Variants in NCOA6 observed in about 807,000 individuals in gnomAD.
NCOA6 encodes the protein nuclear receptor coactivator 6.
A neutral mutation model predicts 171.4 loss-of-function variants in NCOA6; 49 were observed. That is an observed-to-expected ratio of 0.29 (90% CI 0.23 to 0.36). The LOEUF is 0.36. NCOA6 is among the 10% of genes least tolerant of loss of function. The pLI is 1.00. For missense variants in NCOA6, 2,248 were observed against 2,554.5 expected, an observed-to-expected ratio of 0.88 and a Z score of 2.59; for synonymous variants, 910 against 927.5, an observed-to-expected ratio of 0.98 and a Z score of 0.34.
At chr20:34,762,366 A>G (rs1421548289) in intron 5 of NCOA6, among the ~76,000 whole-genome samples, 1 of 152,162 alleles carries the variant, frequency 6.6e-6, no homozygotes, top group Non-Finnish European at 1.5e-5. Context: ...AAACCTGAGA[A>G]TACTATTCTG....
At chr20:34,728,953 G>A (rs1435743990) in intron 13 of NCOA6, among the ~76,000 whole-genome samples, 1 of 152,008 alleles carries the variant, frequency 6.6e-6, no homozygotes, top group African/African-American at 2.4e-5. Flanking sequence ...ATCTTTTGTT[G>A]TTGTTGTTTG....
At chr20:34,725,183 T>G (rs2146992604) in intron 14 of NCOA6, among the ~76,000 whole-genome samples, 1 of 152,362 alleles carries the variant, frequency 6.6e-6, no homozygotes, top group East Asian at 1.9e-4. Flanking sequence ...TGATAATTAC[T>G]GATTGGTACA....
At chr20:34,809,252 A>G (rs2078571483) in intron 1 of NCOA6, among the ~76,000 whole-genome samples, 1 of 152,198 alleles carries the variant, frequency 6.6e-6, no homozygotes, top group South Asian at 2.1e-4. Flanking sequence ...ATGCTTTTTT[A>G]TTAAGCAGAT....
chr20:34,754,749 G>A lies in NCOA6; in HGVS notation c.1648C>T (p.Gln550Ter). 2 of 1,614,196 alleles carry A rather than the reference G, an allele frequency of 1.2e-6. No individual in the cohort carries two copies. The highest frequency in any genetic ancestry group is 8.5e-7 in the Non-Finnish European group (1 of 1,180,030). Residue 550 changes from glutamine (Q) to a stop codon, truncating the protein, a stop_gained, in exon 8 of 15, where the codon CAA becomes TAA. Coordinates refer to ENST00000359003, the MANE Select transcript of NCOA6 (RefSeq NM_014071.5). LOFTEE classifies it high-confidence loss of function. ...GCATGCTGGACATTTTGATTTGCTT[G>A]CAGCTGAGGGGCTCCTGAATTCCCA... ...TPGNSGAPQL[Q>*]ANQNVQHAGG...
intron 2 of NCOA6, among the ~76,000 whole-genome samples, chr20:34,783,883 C>A (rs2146221377): frequency 6.6e-6 from 1 of 152,272 alleles, no homozygotes; most frequent in African/African-American, 2.4e-5. Flanking sequence ...CTTGGCCTCC[C>A]AAAGTGCTAG....
chr20:34,726,381 T>A (rs1218119998), intron 14 of NCOA6, among the ~76,000 whole-genome samples: 1 of 152,022 alleles, frequency 6.6e-6, no homozygotes, highest in Non-Finnish European at 1.5e-5. Flanking sequence ...GGGGAGAAAG[T>A]GTGGACCAGA....
At chr20:34,792,973 G>T (rs1415154317) in intron 1 of NCOA6, among the ~76,000 whole-genome samples, 1 of 151,676 alleles carries the variant, frequency 6.6e-6, no homozygotes, top group Admixed American at 6.6e-5. Flanking sequence ...GGTAGAGATG[G>T]GGTTTCACCA....
At position 34,743,106 on chromosome 20, in the gene NCOA6, G is replaced by T. The variant is rs534522060; in HGVS notation, c.3150C>A (p.Val1050=). 1 of 1,613,502 alleles carries T rather than the reference G, an allele frequency of 6.2e-7. No individual in the cohort carries two copies. Among genetic ancestry groups the T allele is most frequent in the Non-Finnish European group, 8.5e-7 (1 of 1,179,546 alleles). ...CCCTTGGAGGATGGACATTTTGAGA[G>T]ACTGGAAGCCTAACTGATTTGGGAT... ...QQDPKSVRLP[V]SQNVHPPRGP... The change falls in exon 11 of 15, where the codon GTC becomes GTA. Residue 1050 remains valine, a synonymous_variant. Transcript: ENST00000359003.
chr20:34,787,638 C>T (rs1035074519), intron 2 of NCOA6, among the ~76,000 whole-genome samples: 13 of 152,086 alleles, frequency 8.5e-5, no homozygotes, highest in African/African-American at 2.9e-4. Context: ...ACAAATTAAC[C>T]TGTATTTGAT....
chr20:34,762,871 T>C (rs927115113), intron 5 of NCOA6, among the ~76,000 whole-genome samples: 1 of 152,222 alleles, frequency 6.6e-6, no homozygotes. Context: ...CATACTACTC[T>C]TGATAGTATA....
At chr20:34,725,100 T>G (rs1326881551) in intron 14 of NCOA6, among the ~76,000 whole-genome samples, 1 of 152,212 alleles carries the variant, frequency 6.6e-6, no homozygotes, top group East Asian at 1.9e-4. Flanking sequence ...AGGCTCTGTC[T>G]TTTCACTATT....
intron 4 of NCOA6, among the ~76,000 whole-genome samples, chr20:34,772,437 T>C (rs2077180131): frequency 6.6e-6 from 1 of 152,212 alleles, no homozygotes; most frequent in Non-Finnish European, 1.5e-5. Flanking sequence ...TTAAATATAA[T>C]GGTCATCTTA....
chr20:34,751,079 G>A (rs1229580959), intron 8 of NCOA6, among the ~76,000 whole-genome samples: 4 of 151,990 alleles, frequency 2.6e-5, no homozygotes, highest in Non-Finnish European at 5.9e-5. Context: ...CTATAAGAAT[G>A]TGAAGTGTCG....
intron 1 of NCOA6, among the ~76,000 whole-genome samples, chr20:34,798,598 C>T (rs550102008): frequency 6.6e-6 from 1 of 152,194 alleles, no homozygotes; most frequent in Non-Finnish European, 1.5e-5. Flanking sequence ...TGTAACCTCT[C>T]CCCTAGCTCC....
intron 4 of NCOA6, among the ~76,000 whole-genome samples, chr20:34,774,446 C>G (rs2077247902): frequency 6.6e-6 from 1 of 152,150 alleles, no homozygotes; most frequent in South Asian, 2.1e-4. Context: ...GAAAATTATC[C>G]CATTTCTCAA....
chr20:34,815,399 A>C (rs2078803203), intron 1 of NCOA6, among the ~76,000 whole-genome samples: 1 of 152,080 alleles, frequency 6.6e-6, no homozygotes, highest in African/African-American at 2.4e-5. Flanking sequence ...TAATTTAAAA[A>C]TAAAAAGACA....
At chr20:34,743,595 T>G (rs766232876) in intron 10 of NCOA6, among the ~76,000 whole-genome samples, 2 of 152,166 alleles carry the variant, frequency 1.3e-5, no homozygotes, top group Non-Finnish European at 2.9e-5. Context: ...GAATGAGCCA[T>G]GACTGTACTA....
At position 34,715,199 on chromosome 20, in the gene NCOA6, G is replaced by T; in HGVS notation, c.*123C>A. 1 of 1,323,836 alleles carries T rather than the reference G, an allele frequency of 7.6e-7. No homozygotes were observed. Among genetic ancestry groups the T allele is most frequent in the Non-Finnish European group, 1.1e-6 (1 of 935,166 alleles). The allele number at this position is 1,323,836 out of a possible 1,614,324, so 82.0% of individuals were successfully genotyped here. On this transcript the variant is annotated 3_prime_UTR_variant, in exon 15 of 15. Coordinates refer to ENST00000359003, the MANE Select transcript of NCOA6 (RefSeq NM_014071.5). Reference sequence around the variant, plus strand: ...TTATGAAACAGGTTGCAGGGACTAGGAAAAGGGCCACATTATTAAAATTAC... The same window carrying T: ...TTATGAAACAGGTTGCAGGGACTAGTAAAAGGGCCACATTATTAAAATTAC...
chr20:34,795,378 T>G (rs1024739223), intron 1 of NCOA6, among the ~76,000 whole-genome samples: 2 of 152,224 alleles, frequency 1.3e-5, no homozygotes, highest in African/African-American at 2.4e-5. Context: ...TTTATGCCTC[T>G]TGATGTGATG....
Sources: allele counts gnomAD v4.1 joint callset (sites outside exome capture counted in the v4.1 genomes callset), GRCh38; gene constraint gnomAD v4.1.1; transcripts MANE v1.5; gene names NCBI Gene and HGNC (gene_info 2026-07-23, HGNC 2026-07-21).